MGA: variants seen among roughly 807,000 people sequenced by gnomAD.
MGA encodes MAX dimerization protein MGA.
A neutral mutation model predicts 261.1 loss-of-function variants in MGA; 40 were observed. That is an observed-to-expected ratio of 0.15 (90% CI 0.12 to 0.20). MGA has a LOEUF of 0.20. MGA is among the 10% of genes least tolerant of loss of function. The probability of loss-of-function intolerance (pLI) is 1.00; values close to 1 mark genes in which losing one functional copy is unlikely to be tolerated. For missense variants in MGA, 3,397 were observed against 3,630.5 expected (o/e 0.94, Z 1.65); for synonymous variants, 1,302 against 1,290.6 (o/e 1.01, Z -0.19).
Position 41,761,682 on chromosome 15 carries a change from G to T in MGA, c.7399-57G>T. 3.6e-6 allele frequency: 4 copies of T among 1,097,996 alleles called. No individual in the cohort carries two copies. The South Asian group carries it at 5.9e-5, about 16-fold the overall frequency. 68.0% of individuals were successfully genotyped at this position (1,097,996 alleles called of 1,614,324 possible). ...CATTAGAGAAATTGTATAGGCCTTA[G>T]CTGTGTTTAAAGAAAGAGTGGATCA... On this transcript the variant is annotated intron_variant, in intron 20 of 23. Transcript: ENST00000219905.
At chr15:41,651,623 T>TCCC (rs2057046414) in intron 1 of MGA, among the ~76,000 whole-genome samples, 1 of 131,462 alleles carries the variant, frequency 7.6e-6, no homozygotes, top group African/African-American at 2.9e-5. Flanking sequence ...CCCTCTCCTC[T>TCCC]CTCCTCTTCT....
At chr15:41,712,521 A>G (rs1308929174) in intron 8 of MGA, among the ~76,000 whole-genome samples, 1 of 152,184 alleles carries the variant, frequency 6.6e-6, no homozygotes, top group African/African-American at 2.4e-5. Context: ...CCTGGCCTTC[A>G]TCATTACTTT....
chr15:41,654,091 T>G (rs993127890), intron 1 of MGA, among the ~76,000 whole-genome samples: 2 of 152,212 alleles, frequency 1.3e-5, no homozygotes, highest in African/African-American at 4.8e-5. Context: ...TTCTGTATTG[T>G]TACTGATGAG....
chr15:41,682,625 C>T (rs1008979691), intron 2 of MGA, among the ~76,000 whole-genome samples: 1 of 151,966 alleles, frequency 6.6e-6, no homozygotes, highest in Non-Finnish European at 1.5e-5. Context: ...GGACTACAGG[C>T]TCATGCTTCC....
rs112851063 is a variant in MGA, at chr15:41,701,579, C to T, written c.2188+2420C>T. ...TTGGGGGGTAGAGTTGGACTCTGGT[C>T]GGGTAGAGTACAGGCACTTCTTCTA... On this transcript the variant is annotated intron_variant, in intron 5 of 23. Transcript: ENST00000219905. Among the ~76,000 whole-genome samples, 700 of 152,152 alleles carry T rather than the reference C, an allele frequency of 4.6e-3. 7 individuals are homozygous for T. Among genetic ancestry groups the T allele is most frequent in the African/African-American group, 0.016 (664 of 41,508 alleles).
intron 2 of MGA, among the ~76,000 whole-genome samples, chr15:41,681,213 G>C (rs1204002133): frequency 1.3e-5 from 2 of 151,978 alleles, no homozygotes; most frequent in African/African-American, 4.8e-5. Flanking sequence ...TCACCCCCTA[G>C]TTTTCTTTAT....
intron 8 of MGA, among the ~76,000 whole-genome samples, chr15:41,712,431 T>C (rs1321266241): frequency 6.6e-6 from 1 of 152,152 alleles, no homozygotes; most frequent in Non-Finnish European, 1.5e-5. Context: ...TTATCCAGGC[T>C]GGTCTCAAAC....
intron 1 of MGA, among the ~76,000 whole-genome samples, chr15:41,668,536 TA>T (rs1188925377): frequency 2.6e-5 from 4 of 151,746 alleles, no homozygotes; most frequent in Non-Finnish European, 4.4e-5. Flanking sequence ...TAATAATGAA[TA>T]TACTCTTTTG....
upstream of MGA, among the ~76,000 whole-genome samples, chr15:41,657,446 C>T (rs533596554): frequency 2.1e-5 from 3 of 145,216 alleles, no homozygotes; most frequent in Non-Finnish European, 4.4e-5. Flanking sequence ...CTCCACCTCC[C>T]TTGTTCAAGC....
chr15:41,730,044 C>A (rs2061430557), intron 11 of MGA, among the ~76,000 whole-genome samples: 1 of 152,172 alleles, frequency 6.6e-6, no homozygotes, highest in Non-Finnish European at 1.5e-5. Flanking sequence ...AGGTGCCTGC[C>A]ACCACGTCTG....
At chr15:41,698,836 C>CT in intron 3 of MGA, 27 bp from the exon 4 acceptor site, 4 of 1,341,804 alleles carry the variant, frequency 3.0e-6, no homozygotes, top group African/African-American at 1.5e-5. Flanking sequence ...ATATGAACTA[C>CT]TATTTTTTTT....
At chr15:41,684,812 GAT>G (rs894892856) in intron 2 of MGA, 42 of 153,028 alleles carry the variant, frequency 2.7e-4, no homozygotes, top group African/African-American at 9.9e-4. Flanking sequence ...TAAGAACTGA[GAT>G]AACTGGGAAA....
At position 41,745,675 on chromosome 15, in the gene MGA, GCTCCCTGCAGC is replaced by G. The variant is rs558154483; in HGVS notation, c.5212+2507_5212+2517del. ...GTTGGAGTGTAGTGGCATGATCATGGCTCCCTGCAGCCTCTACATCTCAGGCTCAAGTGATC... is the reference window on the plus strand; with the variant it reads ...GTTGGAGTGTAGTGGCATGATCATGGCTCTACATCTCAGGCTCAAGTGATC... On this transcript the variant is annotated intron_variant, in intron 15 of 23. Transcript: ENST00000219905. Among the ~76,000 whole-genome samples the G allele has an allele frequency of 2.2e-3, 336 of 152,164 alleles. 1 individual carries two copies. The highest frequency in any genetic ancestry group is 7.6e-3 in the African/African-American group (316 of 41,510).
rs778273022 is a variant in MGA, at chr15:41,669,423, T to A, written c.529T>A (p.Tyr177Asn). ...TTGGATGCATCAACCAGTATCTTTCTATAAACTCAAACTTACCAACAATAC... is the reference window on the plus strand; with the variant it reads ...TTGGATGCATCAACCAGTATCTTTCAATAAACTCAAACTTACCAACAATAC... Residue 177 changes from tyrosine (Y) to asparagine (N), a missense_variant, in exon 2 of 24, where the codon TAT becomes AAT. Physicochemically the swap from Tyr to Asn is moderately radical, Grantham distance 143 (BLOSUM62 -2). Transcript: ENST00000219905. The A allele has an allele frequency of 6.2e-7, 1 of 1,614,014 alleles. No homozygotes were observed.
At chr15:41,684,629 G>T (rs1032041031) in intron 2 of MGA, 5 of 208,650 alleles carry the variant, frequency 2.4e-5, no homozygotes, top group Non-Finnish European at 4.0e-5. Context: ...AGGTTTCCCA[G>T]CTACTGCGAA....
intron 8 of MGA, 27 bp downstream of exon 8, chr15:41,711,376 A>T (rs1421695403): frequency 6.5e-7 from 1 of 1,550,224 alleles, no homozygotes; most frequent in East Asian, 2.3e-5. Context: ...TTCTGGAGGT[A>T]TATTAGTGCT....
intron 2 of MGA, among the ~76,000 whole-genome samples, chr15:41,675,966 A>C (rs1481508514): frequency 6.6e-6 from 1 of 152,208 alleles, no homozygotes; most frequent in East Asian, 1.9e-4. Flanking sequence ...AAATTCCTGC[A>C]TTATGGATCT....
rs764277450 is a variant in MGA, at chr15:41,769,157, C to T, written c.*1877C>T. The T allele has an allele frequency of 1.3e-5, 2 of 152,572 alleles. No homozygotes were observed. Among genetic ancestry groups the T allele is most frequent in the South Asian group, 4.1e-4 (2 of 4,824 alleles). The allele number at this position is 152,572 out of a possible 1,614,324, so 9.5% of individuals were successfully genotyped here. On this transcript the variant is annotated 3_prime_UTR_variant, in exon 24 of 24. Transcript: ENST00000219905. The stretch of plus-strand genomic sequence containing the variant: ...CTTTAATCCAGGTATAGCAGTTTCC[C>T]GTTATTTTCTTGCTTGTCGTTCCCC...
chr15:41,764,496 A>G (rs1458797386), intron 22 of MGA, among the ~76,000 whole-genome samples: 1 of 152,020 alleles, frequency 6.6e-6, no homozygotes, highest in Non-Finnish European at 1.5e-5. Context: ...CTCGTGATCC[A>G]CCTGCCTCGG....
Sources: gnomAD v4.1 joint callset for allele counts (sites outside exome capture counted in the v4.1 genomes callset) on GRCh38, gnomAD v4.1.1 for gene constraint, MANE v1.5 for transcripts, NCBI Gene and HGNC (gene_info 2026-07-23, HGNC 2026-07-21) for gene names.